The following C8orf89 variants were observed in gnomAD, a reference collection of about 807,000 sequenced individuals.
C8orf89 encodes chromosome 8 open reading frame 89.
In C8orf89, 14 loss-of-function variants were observed where a neutral mutation model predicts 15.8. That is an observed-to-expected ratio of 0.89 (90% CI 0.59 to 1.39). The LOEUF is 1.39. Ranked by LOEUF, C8orf89 falls within the 40% of genes most tolerant of loss-of-function variation. C8orf89 has a pLI of 0.00. For missense variants in C8orf89, 181 were observed against 184.5 expected (o/e 0.98, Z 0.11); for synonymous variants, 55 against 62.2 (o/e 0.88, Z 0.54).
chr8:73,265,778 GC>G, the C8orf89 span, among the ~76,000 whole-genome samples: 4 of 152,106 alleles, frequency 2.6e-5, no homozygotes, highest in Admixed American at 6.6e-5. Flanking sequence ...AATTCAAAAT[GC>G]CCCCAAACTA....
At chr8:73,269,965 T>C in the C8orf89 span, among the ~76,000 whole-genome samples, 2 of 152,214 alleles carry the variant, frequency 1.3e-5, no homozygotes, top group Non-Finnish European at 2.9e-5. Context: ...GGTAAGGGGT[T>C]CCTGTTTACA....
intron 2 of C8orf89, among the ~76,000 whole-genome samples, chr8:73,254,541 G>A (rs1320313594): frequency 1.3e-5 from 2 of 152,184 alleles, no homozygotes; most frequent in Non-Finnish European, 2.9e-5. Flanking sequence ...GGAGTGGCAA[G>A]AAGGAAGCTG....
the C8orf89 span, chr8:73,277,236 A>C: frequency 2.4e-6 from 1 of 414,050 alleles, no homozygotes. Context: ...TACATTAATA[A>C]TCCATACTGA....
chr8:73,251,779 G>A (rs1813254937), intron 2 of C8orf89, among the ~76,000 whole-genome samples: 1 of 152,172 alleles, frequency 6.6e-6, no homozygotes, highest in African/African-American at 2.4e-5. Context: ...CAGTATCTTT[G>A]AGATGATCAC....
intron 1 of C8orf89, 58 bp downstream of exon 1, chr8:73,259,274 G>T: frequency 8.8e-7 from 1 of 1,133,116 alleles, no homozygotes; most frequent in South Asian, 1.9e-5. Flanking sequence ...AAAAATACAT[G>T]GAAATTCAAG....
rs1483577296 is a variant in C8orf89 at position 73,257,076 on chromosome 8, G to A, written c.178C>T (p.Pro60Ser). ...CAACTTTGCAGTCCTGGTAAATATG[G>A]CATTTTGATACATTCCTTGAGCTCT... is the stretch of plus-strand genomic sequence containing the variant. ...LEELKECIKMPYLPGLQSCQK... is the reference protein window; with the variant it reads ...LEELKECIKMSYLPGLQSCQK... The change falls in exon 2 of 4, where the codon CCA becomes TCA. Residue 60 changes from proline (P) to serine (S), a missense_variant. By Grantham distance (74) the Pro-to-Ser change is moderately conservative (BLOSUM62 -1). Coordinates refer to ENST00000624510, the MANE Select transcript of C8orf89 (RefSeq NM_001243237.3). The A allele has an allele frequency of 6.5e-7, 1 of 1,535,302 alleles. No individual in the cohort carries two copies. Among genetic ancestry groups the A allele is most frequent in the Admixed American group, 2.0e-5 (1 of 50,958 alleles).
upstream of C8orf89, among the ~76,000 whole-genome samples, chr8:73,262,294 A>G (rs1418481913): frequency 1.3e-5 from 2 of 151,980 alleles, no homozygotes; most frequent in Non-Finnish European, 2.9e-5. Context: ...ACTAACAATA[A>G]ATGCCTCACA....
upstream of C8orf89, among the ~76,000 whole-genome samples, chr8:73,264,440 G>A (rs1400188845): frequency 6.6e-6 from 1 of 152,186 alleles, no homozygotes; most frequent in African/African-American, 2.4e-5. Flanking sequence ...GCAATGTCAT[G>A]AGGGGCAAGA....
chr8:73,250,231 C>T, intron 3 of C8orf89, 37 bp downstream of exon 3: 1 of 1,426,272 alleles, frequency 7.0e-7, no homozygotes, highest in Non-Finnish European at 9.5e-7. Flanking sequence ...ATATGACACC[C>T]AAGAGAGGTA....
Position 73,257,006 on chromosome 8 carries a change from A to G in C8orf89, c.248T>C (p.Leu83Pro), listed in dbSNP as rs1371556652. ...AGACACCTCGGCATCAGCACGTGGC[A>G]GTCTTTTAGGAACCTCTAGTGGAGT... ...SSTPLEVPKR[L>P]PRADAEVSAV... Residue 83 changes from leucine to proline, a missense_variant, in exon 2 of 4, where the codon CTG becomes CCG. Physicochemically the swap from Leu to Pro is moderately conservative, Grantham distance 98 (BLOSUM62 -3). Coordinates refer to ENST00000624510, the MANE Select transcript of C8orf89 (RefSeq NM_001243237.3). The G allele has an allele frequency of 4.6e-6, 7 of 1,535,662 alleles. No homozygotes were observed. In the South Asian group the frequency reaches 6.0e-5, roughly 13 times the overall value.
At chr8:73,259,890 C>T (rs775661371), upstream of C8orf89, among the ~76,000 whole-genome samples, 12 of 152,176 alleles carry the variant, frequency 7.9e-5, no homozygotes, top group Non-Finnish European at 1.8e-4. Flanking sequence ...CAGTCATATA[C>T]ATTATCTATT....
At chr8:73,268,012 G>A in the C8orf89 span, among the ~76,000 whole-genome samples, 1 of 152,134 alleles carries the variant, frequency 6.6e-6, no homozygotes, top group African/African-American at 2.4e-5. Flanking sequence ...CTGATTTAGA[G>A]GAATAGAAGA....
the C8orf89 span, among the ~76,000 whole-genome samples, chr8:73,274,606 T>A: frequency 1.3e-5 from 2 of 152,188 alleles, no homozygotes; most frequent in Admixed American, 1.3e-4. Context: ...CATGTTTGCG[T>A]CCTATGTTTT....
At chr8:73,259,713 T>C (rs1813487651), upstream of C8orf89, among the ~76,000 whole-genome samples, 1 of 152,120 alleles carries the variant, frequency 6.6e-6, no homozygotes, top group Admixed American at 6.6e-5. Context: ...TCAAAAACAT[T>C]ATCATTATAA....
chr8:73,260,726 G>A (rs1813509754), upstream of C8orf89, among the ~76,000 whole-genome samples: 1 of 152,128 alleles, frequency 6.6e-6, no homozygotes, highest in Admixed American at 6.5e-5. Flanking sequence ...ATGGCTCCCA[G>A]CAGAGGAAGA....
At chr8:73,244,781 C>G (rs911472267) in intron 3 of C8orf89, among the ~76,000 whole-genome samples, 1 of 152,132 alleles carries the variant, frequency 6.6e-6, no homozygotes, top group African/African-American at 2.4e-5. Context: ...AGCAAAATAA[C>G]TAGATTCCAG....
the C8orf89 span, among the ~76,000 whole-genome samples, chr8:73,273,985 C>A: frequency 1.3e-5 from 2 of 151,932 alleles, no homozygotes; most frequent in African/African-American, 4.8e-5. Context: ...AATGATATAT[C>A]ATCCAAATTA....
chr8:73,243,387 C>T (rs1014281592), intron 3 of C8orf89, among the ~76,000 whole-genome samples: 4 of 152,052 alleles, frequency 2.6e-5, no homozygotes, highest in South Asian at 2.1e-4. Context: ...GATTATTACA[C>T]GTTGTACGCC....
At chr8:73,264,651 C>T in the C8orf89 span, among the ~76,000 whole-genome samples, 2 of 152,104 alleles carry the variant, frequency 1.3e-5, no homozygotes, top group African/African-American at 4.8e-5. Flanking sequence ...CCACCACACC[C>T]AGCTAATTTT....
Sources: allele counts gnomAD v4.1 joint callset (sites outside exome capture counted in the v4.1 genomes callset), GRCh38; gene constraint gnomAD v4.1.1; transcripts MANE v1.5; gene names NCBI Gene and HGNC (gene_info 2026-07-23, HGNC 2026-07-21).